Variants in SNRK observed in about 807,000 individuals in gnomAD.
SNRK encodes SNF-related serine/threonine-protein kinase.
Under a neutral mutation model 48.2 loss-of-function variants are expected in SNRK, and 3 were observed. The observed-to-expected ratio is 0.06, with a 90% confidence interval of 0.03 to 0.16. SNRK has a LOEUF of 0.16. Among genes scored for constraint, SNRK ranks in the 10% least tolerant of loss-of-function variants. The pLI is 1.00. For missense variants in SNRK, 627 were observed against 976.0 expected, an observed-to-expected ratio of 0.64 and a Z score of 4.76; for synonymous variants, 376 against 366.1, an observed-to-expected ratio of 1.03 and a Z score of -0.31.
chr3:43,309,612 G>GTTTTTTTTTT (rs35398476), intron 3 of SNRK, among the ~76,000 whole-genome samples: 6 of 143,196 alleles, frequency 4.2e-5, no homozygotes, highest in Non-Finnish European at 6.1e-5. Flanking sequence ...TAGAAATAAG[G>GTTTTTTTTTT]TTTTTTTTTT....
chr3:43,338,679 C>T (rs983234730), intron 4 of SNRK, among the ~76,000 whole-genome samples: 9 of 152,194 alleles, frequency 5.9e-5, no homozygotes, highest in East Asian at 3.9e-4. Flanking sequence ...TTTGTATTTC[C>T]TAACGCAGTC....
At chr3:43,333,566 ATGACGTTAC>A (rs2091164715) in intron 4 of SNRK, among the ~76,000 whole-genome samples, 1 of 152,066 alleles carries the variant, frequency 6.6e-6, no homozygotes, top group African/African-American at 2.4e-5. Flanking sequence ...GATTATTTTT[ATGACGTTAC>A]TGTTAACTAT....
chr3:43,319,699 G>T (rs1467382708), intron 3 of SNRK, among the ~76,000 whole-genome samples: 1 of 152,206 alleles, frequency 6.6e-6, no homozygotes, highest in Non-Finnish European at 1.5e-5. Context: ...AACGTAACAA[G>T]CTCATAATAT....
intron 3 of SNRK, among the ~76,000 whole-genome samples, chr3:43,314,233 G>A (rs1253656172): frequency 1.3e-5 from 2 of 152,118 alleles, no homozygotes; most frequent in Admixed American, 6.6e-5. Context: ...CCATAATGAG[G>A]AAGGATATAG....
intron 3 of SNRK, among the ~76,000 whole-genome samples, chr3:43,323,205 A>G (rs2091068834): frequency 2.6e-5 from 4 of 152,220 alleles, no homozygotes; most frequent in Admixed American, 1.3e-4. Flanking sequence ...ATAGACATAC[A>G]TGTAAAATGA....
At chr3:43,336,974 G>A (rs979222969) in intron 4 of SNRK, among the ~76,000 whole-genome samples, 1 of 152,078 alleles carries the variant, frequency 6.6e-6, no homozygotes, top group Non-Finnish European at 1.5e-5. Context: ...GGGTGGTCTC[G>A]ATCTCCTGAC....
At chr3:43,341,059 C>T (rs1241450335) in intron 5 of SNRK, among the ~76,000 whole-genome samples, 1 of 152,166 alleles carries the variant, frequency 6.6e-6, no homozygotes, top group African/African-American at 2.4e-5. Context: ...TATTATCTGG[C>T]CCTTGAGAGC....
Position 43,347,260 on chromosome 3 carries a change from A to G in SNRK, c.1080-79A>G. 1 of 1,387,152 alleles carries G rather than the reference A, an allele frequency of 7.2e-7. No individual in the cohort carries two copies. Among genetic ancestry groups the G allele is most frequent in the Non-Finnish European group, 9.6e-7 (1 of 1,039,902 alleles). 85.9% of individuals were successfully genotyped at this position (1,387,152 alleles called of 1,614,324 possible). A position where few individuals can be genotyped will look rare whatever the true frequency, so the allele number is the denominator to read the frequency against. On this transcript the variant is annotated intron_variant, in intron 6 of 6. Coordinates refer to ENST00000296088, the MANE Select transcript of SNRK (RefSeq NM_017719.5). The surrounding 1 kb of genome is among the most constrained non-coding windows in gnomAD (Gnocchi z 5.4). Reference sequence around the variant, plus strand: ...TTAAGTCTGTAGATTTTGTCCCAGTAAGTTCATTGTGATGTACTTTACTAT... The same window carrying G: ...TTAAGTCTGTAGATTTTGTCCCAGTGAGTTCATTGTGATGTACTTTACTAT...
intron 2 of SNRK, among the ~76,000 whole-genome samples, chr3:43,300,813 A>G (rs1000669751): frequency 6.6e-6 from 1 of 152,220 alleles, no homozygotes; most frequent in African/African-American, 2.4e-5. Flanking sequence ...GCATTGTATC[A>G]GTTTCTTATT....
chr3:43,293,935 T>C (rs1432962534), intron 1 of SNRK, among the ~76,000 whole-genome samples: 1 of 151,664 alleles, frequency 6.6e-6, no homozygotes, highest in Non-Finnish European at 1.5e-5. Context: ...AAAAAAAAGA[T>C]TGGAATTACA....
intron 3 of SNRK, among the ~76,000 whole-genome samples, chr3:43,320,387 G>A (rs1017211351): frequency 2.6e-5 from 4 of 152,164 alleles, no homozygotes; most frequent in African/African-American, 9.7e-5. Flanking sequence ...CTGACATTTG[G>A]AGGCCCTTGT....
At chr3:43,340,689 A>T in intron 5 of SNRK, 190 bp downstream of exon 5, 1 of 587,734 alleles carries the variant, frequency 1.7e-6, no homozygotes, top group Non-Finnish European at 3.0e-6. Flanking sequence ...TTTGGTTTTT[A>T]TGCTAGTGAA....
chr3:43,327,321 T>A (rs1265285943), intron 3 of SNRK, among the ~76,000 whole-genome samples: 1 of 152,240 alleles, frequency 6.6e-6, no homozygotes, highest in African/African-American at 2.4e-5. Flanking sequence ...TAAGAAAGCA[T>A]TGCCTTCTAC....
At chr3:43,318,488 C>A (rs1388147434) in intron 3 of SNRK, among the ~76,000 whole-genome samples, 3 of 151,756 alleles carry the variant, frequency 2.0e-5, no homozygotes, top group African/African-American at 7.3e-5. Context: ...AATCAACTTA[C>A]ATTCACCTTA....
At chr3:43,337,053 A>G (rs2091195208) in intron 4 of SNRK, among the ~76,000 whole-genome samples, 2 of 149,776 alleles carry the variant, frequency 1.3e-5, no homozygotes, top group Non-Finnish European at 3.0e-5. Flanking sequence ...CGCCTGGCCA[A>G]ATATACATGT....
chr3:43,312,866 A>G (rs2090988507), intron 3 of SNRK, among the ~76,000 whole-genome samples: 1 of 152,094 alleles, frequency 6.6e-6, no homozygotes, highest in South Asian at 2.1e-4. Context: ...ATACACATCT[A>G]ACAGAACACA....
intron 6 of SNRK, among the ~76,000 whole-genome samples, chr3:43,345,615 G>A (rs1055117879): frequency 2.0e-5 from 3 of 152,120 alleles, no homozygotes; most frequent in Non-Finnish European, 4.4e-5. Flanking sequence ...TGGAGTCCAG[G>A]GGCAGGGTCC....
intron 3 of SNRK, among the ~76,000 whole-genome samples, chr3:43,331,709 C>G (rs1047146899): frequency 6.6e-6 from 1 of 152,124 alleles, no homozygotes; most frequent in Non-Finnish European, 1.5e-5. Flanking sequence ...TATAAAATGA[C>G]ATGAGTTACA....
At chr3:43,304,125 CCT>C (rs2090917485) in intron 3 of SNRK, among the ~76,000 whole-genome samples, 1 of 152,072 alleles carries the variant, frequency 6.6e-6, no homozygotes, top group Admixed American at 6.6e-5. Context: ...TTAGCCATCT[CCT>C]CTCTGTGCAT....
Sources: allele counts gnomAD v4.1 joint callset (sites outside exome capture counted in the v4.1 genomes callset), GRCh38; gene constraint gnomAD v4.1.1; non-coding constraint Gnocchi (gnomAD v3.1); transcripts MANE v1.5; gene names NCBI Gene and HGNC (gene_info 2026-07-23, HGNC 2026-07-21).